Variants in FRMPD1 observed in about 807,000 individuals in gnomAD.
FRMPD1 encodes the protein FERM and PDZ domain containing 1.
In FRMPD1, 76 loss-of-function variants were observed where a neutral mutation model predicts 117.8. That is an observed-to-expected ratio of 0.65 (90% CI 0.54 to 0.78). FRMPD1 has a LOEUF of 0.78. Ranked by LOEUF, FRMPD1 falls within the 30% of genes least tolerant of loss-of-function variation. FRMPD1 has a pLI of 0.00. For synonymous variants in FRMPD1, 783 were observed against 770.4 expected, an observed-to-expected ratio of 1.02 and a Z score of -0.27; for missense variants, 1,786 against 1,964.5, an observed-to-expected ratio of 0.91 and a Z score of 1.72.
intron 13 of FRMPD1, among the ~76,000 whole-genome samples, chr9:37,736,860 T>A (rs187838371): frequency 3.2e-4 from 35 of 109,734 alleles, no homozygotes; most frequent in Non-Finnish European, 5.2e-4. Context: ...TGCGTGAGAG[T>A]GTGTGTGTGT....
the FRMPD1 span, among the ~76,000 whole-genome samples, chr9:37,609,877 G>C: frequency 2.0e-5 from 3 of 152,126 alleles, no homozygotes; most frequent in African/African-American, 7.2e-5. Flanking sequence ...CAGGGCCCCA[G>C]AGTCTTGGCT....
intron 1 of FRMPD1, chr9:37,669,993 CA>C (rs199845153): frequency 0.2 from 25,293 of 127,630 alleles, 2,505 homozygotes; most frequent in African/African-American, 0.31. Context: ...AACTCTCTCT[CA>C]AAAAAAAAAA....
At chr9:37,633,066 G>C in the FRMPD1 span, among the ~76,000 whole-genome samples, 14 of 142,972 alleles carry the variant, frequency 9.8e-5, no homozygotes, top group African/African-American at 1.3e-4. Flanking sequence ...TGGAGTTCTC[G>C]CTCTGTCCCC....
Position 37,732,347 on chromosome 9 carries a change from A to C in FRMPD1, c.902A>C (p.Lys301Thr). 6.2e-7 allele frequency: 1 copy of C among 1,613,902 alleles called. No homozygotes were observed. The highest frequency in any genetic ancestry group is 1.3e-5 in the African/African-American group (1 of 75,058). The change falls in exon 10 of 16, where the codon AAA becomes ACA. Residue 301 changes from lysine to threonine, a missense_variant. Transcript: ENST00000377765. ...CAGGAGCGCTTTGCTGTAGAAATGA[A>C]ATGTAGCTCTGCACTCCGACTCGCG... ...VLQERFAVEMKCSSALRLAAL... is the reference protein window; with the variant it reads ...VLQERFAVEMTCSSALRLAAL...
chr9:37,670,290 T>A (rs1267240608), intron 1 of FRMPD1, among the ~76,000 whole-genome samples: 2 of 152,126 alleles, frequency 1.3e-5, no homozygotes, highest in African/African-American at 4.8e-5. Context: ...GAGAACATGT[T>A]CAAAAATAAC....
chr9:37,642,075 G>A, the FRMPD1 span, among the ~76,000 whole-genome samples: 3 of 152,182 alleles, frequency 2.0e-5, no homozygotes, highest in South Asian at 6.2e-4. Flanking sequence ...ATTGGAGTGA[G>A]AAAGACAATC....
Position 37,711,397 on chromosome 9 carries a change from T to C in FRMPD1, c.408+2T>C. ...ATCACAGTTGTTCGCTGCACGTCGG[T>C]AAATCTCTTTCTATGTCCTGTGTGT... On this transcript the variant is annotated splice_donor_variant, in intron 5 of 15. Coordinates refer to ENST00000377765, the MANE Select transcript of FRMPD1 (RefSeq NM_014907.3). LOFTEE classifies it high-confidence loss of function. 1 of 1,600,754 alleles carries C rather than the reference T, an allele frequency of 6.2e-7. No homozygotes were observed. The highest frequency in any genetic ancestry group is 8.6e-7 in the Non-Finnish European group (1 of 1,167,782).
intron 1 of FRMPD1, among the ~76,000 whole-genome samples, chr9:37,684,419 A>C (rs1209587844): frequency 6.6e-6 from 1 of 152,236 alleles, no homozygotes; most frequent in Non-Finnish European, 1.5e-5. Flanking sequence ...TTGTTAGCAT[A>C]GTTGTGTTAC....
chr9:37,630,288 A>G, the FRMPD1 span, among the ~76,000 whole-genome samples: 7 of 152,326 alleles, frequency 4.6e-5, no homozygotes, highest in East Asian at 5.8e-4. Flanking sequence ...CTTAGGTCCA[A>G]TGAAATGTTG....
chr9:37,724,014 TA>T (rs949135269), intron 6 of FRMPD1, among the ~76,000 whole-genome samples: 4 of 145,428 alleles, frequency 2.8e-5, no homozygotes, highest in African/African-American at 1.0e-4. Context: ...ATAAAAAAAA[TA>T]AAAAAAAATA....
At chr9:37,688,935 G>A (rs1433461740) in intron 1 of FRMPD1, among the ~76,000 whole-genome samples, 5 of 151,504 alleles carry the variant, frequency 3.3e-5, no homozygotes, top group Non-Finnish European at 7.4e-5. Flanking sequence ...ATATTCCTTC[G>A]GTTTTTAAAA....
chr9:37,642,348 G>A, the FRMPD1 span, among the ~76,000 whole-genome samples: 2 of 152,028 alleles, frequency 1.3e-5, no homozygotes, highest in Admixed American at 6.5e-5. Flanking sequence ...CTTCCCATAG[G>A]CTGTTCTCTC....
At chr9:37,623,120 C>G in the FRMPD1 span, among the ~76,000 whole-genome samples, 3 of 152,178 alleles carry the variant, frequency 2.0e-5, no homozygotes, top group African/African-American at 7.2e-5. Flanking sequence ...GTTTTAAAGT[C>G]TGACCACATG....
chr9:37,611,681 A>G, the FRMPD1 span, among the ~76,000 whole-genome samples: 8 of 146,710 alleles, frequency 5.5e-5, no homozygotes, highest in African/African-American at 1.6e-4. Context: ...CCTCCAGGTA[A>G]TACACCCTTT....
chr9:37,691,433 T>G (rs1563933499), intron 1 of FRMPD1, among the ~76,000 whole-genome samples: 1 of 152,222 alleles, frequency 6.6e-6, no homozygotes, highest in African/African-American at 2.4e-5. Flanking sequence ...AATTTGAACA[T>G]AGTCTATAGT....
the FRMPD1 span, among the ~76,000 whole-genome samples, chr9:37,616,444 T>C: frequency 6.6e-6 from 1 of 152,264 alleles, no homozygotes; most frequent in Non-Finnish European, 1.5e-5. Flanking sequence ...TCCATCATCC[T>C]AAGAACTCTT....
intron 7 of FRMPD1, among the ~76,000 whole-genome samples, chr9:37,726,978 C>A (rs910833006): frequency 6.6e-6 from 1 of 152,114 alleles, no homozygotes; most frequent in East Asian, 1.9e-4. Flanking sequence ...TGGCTTTTGA[C>A]TGGAGTGGGC....
intron 1 of FRMPD1, among the ~76,000 whole-genome samples, chr9:37,686,652 A>G (rs1821958550): frequency 6.6e-6 from 1 of 152,240 alleles, no homozygotes; most frequent in Non-Finnish European, 1.5e-5. Flanking sequence ...GTCCAGATAT[A>G]TAACACAAAT....
At chr9:37,685,871 G>A (rs1821922636) in intron 1 of FRMPD1, among the ~76,000 whole-genome samples, 3 of 152,170 alleles carry the variant, frequency 2.0e-5, no homozygotes, top group African/African-American at 7.2e-5. Context: ...TGCCTCCACT[G>A]ATGTTTTCAT....
Sources: allele counts gnomAD v4.1 joint callset (sites outside exome capture counted in the v4.1 genomes callset), GRCh38; gene constraint gnomAD v4.1.1; transcripts MANE v1.5; gene names NCBI Gene and HGNC (gene_info 2026-07-23, HGNC 2026-07-21).